PCDH15: variants seen among roughly 807,000 people sequenced by gnomAD.
PCDH15 encodes protocadherin related 15.
A neutral mutation model predicts 178.5 loss-of-function variants in PCDH15; 129 were observed. The ratio of observed to expected loss-of-function variants is 0.72; its 90% CI spans 0.63 to 0.84. The LOEUF (loss-of-function observed/expected upper bound fraction) is 0.84, where lower values mean the gene tolerates loss of function less well. Among genes scored for constraint, PCDH15 ranks in the 40% least tolerant of loss-of-function variants. The pLI is 0.00. For synonymous variants in PCDH15, 800 were observed against 732.0 expected (o/e 1.09, Z -1.50); for missense variants, 2,230 against 2,099.9 (o/e 1.06, Z -1.21).
At chr10:54,425,855 A>T (rs16906104) in intron 3 of PCDH15, among the ~76,000 whole-genome samples, 20,952 of 152,170 alleles carry the variant, frequency 0.14, 1,539 homozygotes, top group Middle Eastern at 0.23. Context: ...GATTTAGAAA[A>T]TGAAGTATTC....
intron 1 of PCDH15, among the ~76,000 whole-genome samples, chr10:55,224,681 G>C (rs969456878): frequency 6.6e-6 from 1 of 152,090 alleles, no homozygotes; most frequent in Admixed American, 6.5e-5. Context: ...AATACTCACT[G>C]AATGAATAAG....
At chr10:54,832,126 T>A (rs1241206991) in intron 3 of PCDH15, among the ~76,000 whole-genome samples, 1 of 152,110 alleles carries the variant, frequency 6.6e-6, no homozygotes, top group African/African-American at 2.4e-5. Flanking sequence ...TCTATCTTGA[T>A]GCCAAGATGG....
intron 2 of PCDH15, among the ~76,000 whole-genome samples, chr10:55,443,694 A>C (rs945035766): frequency 2.0e-5 from 3 of 152,174 alleles, no homozygotes; most frequent in Non-Finnish European, 2.9e-5. Flanking sequence ...TGGGAGTGTA[A>C]ATAAGTTCAA....
chr10:54,184,245 A>G (rs1241575262), intron 12 of PCDH15, among the ~76,000 whole-genome samples: 2 of 152,294 alleles, frequency 1.3e-5, no homozygotes, highest in South Asian at 2.1e-4. Context: ...ACAATCACAT[A>G]AACTTTCCTG....
intron 3 of PCDH15, among the ~76,000 whole-genome samples, chr10:54,492,716 A>T (rs1463772617): frequency 6.6e-6 from 1 of 152,192 alleles, no homozygotes; most frequent in Non-Finnish European, 1.5e-5. Context: ...GACAGACTAC[A>T]TTCACATAAC....
chr10:54,811,232 G>T (rs1471495318), intron 3 of PCDH15, among the ~76,000 whole-genome samples: 1 of 151,894 alleles, frequency 6.6e-6, no homozygotes, highest in Non-Finnish European at 1.5e-5. Flanking sequence ...GCTTCTAACA[G>T]CATGTTCACA....
At chr10:54,266,568 A>G (rs1564823783) in intron 8 of PCDH15, among the ~76,000 whole-genome samples, 1 of 151,996 alleles carries the variant, frequency 6.6e-6, no homozygotes, top group Non-Finnish European at 1.5e-5. Flanking sequence ...TAGCAAGATT[A>G]ACAAAAAAGA....
chr10:54,584,445 C>A (rs2091300678), intron 2 of PCDH15, among the ~76,000 whole-genome samples: 1 of 151,986 alleles, frequency 6.6e-6, no homozygotes, highest in Non-Finnish European at 1.5e-5. Flanking sequence ...GTCACAAACA[C>A]TCTCAATAGT....
At chr10:55,230,481 T>A (rs932945552) in intron 1 of PCDH15, among the ~76,000 whole-genome samples, 6 of 152,110 alleles carry the variant, frequency 3.9e-5, no homozygotes, top group African/African-American at 1.4e-4. Context: ...TATTTATTCA[T>A]GTGTTTAATA....
At chr10:55,430,222 T>G (rs750408496) in intron 2 of PCDH15, among the ~76,000 whole-genome samples, 1 of 152,044 alleles carries the variant, frequency 6.6e-6, no homozygotes, top group Non-Finnish European at 1.5e-5. Flanking sequence ...GCCCTGGAGG[T>G]TGAGGCTGCA....
chr10:53,821,641 C>T, intron 32 of PCDH15: 2 of 1,299,938 alleles, frequency 1.5e-6, no homozygotes, highest in Non-Finnish European at 2.0e-6. Context: ...ACAAATTATG[C>T]TACTTTGTAG....
At chr10:54,679,214 TACAATTGACA>T (rs2094854293) in intron 1 of PCDH15, among the ~76,000 whole-genome samples, 1 of 133,596 alleles carries the variant, frequency 7.5e-6, no homozygotes, top group African/African-American at 2.7e-5. Context: ...AAAAAAAACA[TACAATTGACA>T]ATAATATATG....
chr10:55,073,799 T>G (rs917253746), intron 2 of PCDH15, among the ~76,000 whole-genome samples: 1 of 152,062 alleles, frequency 6.6e-6, no homozygotes, highest in Non-Finnish European at 1.5e-5. Flanking sequence ...GGGGGAGAAT[T>G]TTTATTACTG....
intron 20 of PCDH15, among the ~76,000 whole-genome samples, chr10:54,013,834 C>T (rs2092661572): frequency 6.6e-6 from 1 of 151,980 alleles, no homozygotes; most frequent in South Asian, 2.1e-4. Context: ...TCTAGCATCA[C>T]ATCTACAGGA....
intron 1 of PCDH15, among the ~76,000 whole-genome samples, chr10:54,784,827 C>T (rs1339323953): frequency 6.6e-6 from 1 of 151,928 alleles, no homozygotes; most frequent in Non-Finnish European, 1.5e-5. Context: ...TTTATACATG[C>T]TGGTTTTGGT....
At chr10:54,578,192 T>A (rs1207350559) in intron 2 of PCDH15, among the ~76,000 whole-genome samples, 1 of 152,120 alleles carries the variant, frequency 6.6e-6, no homozygotes, top group East Asian at 1.9e-4. Flanking sequence ...GGCATGTAGT[T>A]CTTTAAAAAA....
chr10:54,754,565 T>G (rs1175763692), intron 1 of PCDH15, among the ~76,000 whole-genome samples: 2 of 152,068 alleles, frequency 1.3e-5, no homozygotes, highest in Non-Finnish European at 2.9e-5. Context: ...AGAAATAAAT[T>G]TTCACTACAA....
intron 14 of PCDH15, among the ~76,000 whole-genome samples, chr10:54,145,994 T>C (rs1245486633): frequency 6.6e-6 from 1 of 152,098 alleles, no homozygotes; most frequent in East Asian, 1.9e-4. Flanking sequence ...GCTATCTGTC[T>C]AGATTTACCT....
At chr10:55,227,825 T>C (rs1220602934) in intron 1 of PCDH15, among the ~76,000 whole-genome samples, 2 of 152,102 alleles carry the variant, frequency 1.3e-5, no homozygotes, top group Non-Finnish European at 2.9e-5. Context: ...AGGCAATGAA[T>C]GTTTGTCGAA....
Sources: allele counts gnomAD v4.1 joint callset (sites outside exome capture counted in the v4.1 genomes callset), GRCh38; gene constraint gnomAD v4.1.1; transcripts MANE v1.5; gene names NCBI Gene and HGNC (gene_info 2026-07-23, HGNC 2026-07-21).